Variants in MACROH2A2 observed in about 807,000 individuals in gnomAD.
The protein encoded by MACROH2A2 is macroH2A.2 histone.
In MACROH2A2, 6 loss-of-function variants were observed where a neutral mutation model predicts 37.6. That is an observed-to-expected ratio of 0.16 (90% CI 0.09 to 0.32). The LOEUF (loss-of-function observed/expected upper bound fraction) is 0.32. Among genes scored for constraint, MACROH2A2 ranks in the 10% least tolerant of loss-of-function variants. MACROH2A2 has a pLI of 1.00. For missense variants in MACROH2A2, 290 were observed against 485.9 expected (o/e 0.60, Z 3.79); for synonymous variants, 192 against 202.7 (o/e 0.95, Z 0.45).
chr10:70,091,999 T>C (rs753063615), intron 4 of MACROH2A2, 45 bp downstream of exon 4: 1 of 1,431,528 alleles, frequency 7.0e-7, no homozygotes, highest in East Asian at 2.3e-5. Flanking sequence ...CCCACTGCAA[T>C]GGTCTGAATG....
intron 1 of MACROH2A2, among the ~76,000 whole-genome samples, chr10:70,062,092 T>G (rs1194918049): frequency 2.0e-5 from 3 of 152,232 alleles, no homozygotes. Flanking sequence ...ATACAGTACT[T>G]AGGGTAACAC....
intron 2 of MACROH2A2, among the ~76,000 whole-genome samples, chr10:70,076,867 C>T (rs967729726): frequency 6.6e-6 from 1 of 152,106 alleles, no homozygotes; most frequent in Non-Finnish European, 1.5e-5. Context: ...CTCAGTCCTG[C>T]CCTGCCCTCT....
intron 5 of MACROH2A2, among the ~76,000 whole-genome samples, chr10:70,094,846 A>G (rs2072265400): frequency 6.6e-6 from 1 of 152,168 alleles, no homozygotes; most frequent in South Asian, 2.1e-4. Context: ...AGGGAGCCAG[A>G]CACCCCCAGG....
intron 2 of MACROH2A2, among the ~76,000 whole-genome samples, chr10:70,089,623 G>C (rs2072231869): frequency 6.6e-6 from 1 of 152,192 alleles, no homozygotes; most frequent in Non-Finnish European, 1.5e-5. Context: ...CCTGTACCAA[G>C]GAAGAAGAGG....
At chr10:70,066,751 C>G (rs910294387) in intron 1 of MACROH2A2, among the ~76,000 whole-genome samples, 2 of 152,162 alleles carry the variant, frequency 1.3e-5, no homozygotes, top group African/African-American at 4.8e-5. Flanking sequence ...TCAATACTTG[C>G]GGCACTTTCA....
At position 70,109,172 on chromosome 10, in the gene MACROH2A2, A is replaced by G. The variant is rs1452481791; in HGVS notation, c.918A>G (p.Leu306=). The change falls in exon 8 of 9, where the codon CTA becomes CTG. Residue 306 remains leucine (L), a synonymous_variant. Transcript: ENST00000373255. The part of the protein sequence containing the change: ...NCLSAAEDKK[L]KSVAFPPFPS... ...TGTCAGCGGCGGAGGACAAGAAGCT[A>G]AAGTCCGTCGCGTTCCCGCCTTTCC... 6 of 1,614,058 alleles carry G rather than the reference A, an allele frequency of 3.7e-6. No homozygotes were observed. Among genetic ancestry groups the G allele is most frequent in the African/African-American group, 2.7e-5 (2 of 74,950 alleles).
rs2072344765 is a variant in MACROH2A2 at position 70,107,439 on chromosome 10, T to C, written c.779-1594T>C. ...TGCTGCCCCTAGTGGCCACGGACCC[T>C]TGCTACGCCGATTCCTGGGTTCCTG... On this transcript the variant is annotated intron_variant, in intron 7 of 8. Transcript: ENST00000373255. This position sits in a 1 kb window ranked among gnomAD's most constrained non-coding sequence, Gnocchi z 4.4. Among the ~76,000 whole-genome samples, 1 of 152,198 alleles carries C rather than the reference T, an allele frequency of 6.6e-6. No homozygotes were observed. Among genetic ancestry groups the C allele is most frequent in the African/African-American group, 2.4e-5 (1 of 41,454 alleles).
chr10:70,079,556 C>CGT lies in MACROH2A2; in HGVS notation c.172+3727_172+3728insTG, dbSNP rs1320023033. On this transcript the variant is annotated intron_variant, in intron 2 of 8. Transcript: ENST00000373255. ...TTGAAGGCCACGTTGAGGGTTCGCG[C>CGT]GCGCGCGCGCACACACACACACACA... Among the ~76,000 whole-genome samples the CGT allele has an allele frequency of 7.0e-5, 8 of 113,616 alleles. No homozygotes were observed. In the East Asian group the frequency reaches 7.8e-4, roughly 11 times the overall value. The allele number at this position is 113,616 out of a possible 152,430, so 74.5% of individuals were successfully genotyped here.
chr10:70,069,068 C>T (rs914524095), intron 1 of MACROH2A2, among the ~76,000 whole-genome samples: 2 of 152,134 alleles, frequency 1.3e-5, no homozygotes, highest in African/African-American at 4.8e-5. Flanking sequence ...CAGTGAAATA[C>T]GGTAGTTATT....
intron 6 of MACROH2A2, among the ~76,000 whole-genome samples, chr10:70,097,420 TAGG>T (rs1933815358): frequency 6.6e-6 from 1 of 152,134 alleles, no homozygotes; most frequent in South Asian, 2.1e-4. Context: ...GCTGCTGTGT[TAGG>T]AGGAGTCCCT....
At chr10:70,079,561 G>GCT (rs1437308027) in intron 2 of MACROH2A2, among the ~76,000 whole-genome samples, 1 of 83,680 alleles carries the variant, frequency 1.2e-5, no homozygotes, top group African/African-American at 4.6e-5. Flanking sequence ...TCGCGCGCGC[G>GCT]CGCGCACACA....
chr10:70,094,521 A>C (rs778438639), intron 5 of MACROH2A2, among the ~76,000 whole-genome samples: 2 of 152,240 alleles, frequency 1.3e-5, no homozygotes, highest in Non-Finnish European at 2.9e-5. Context: ...CTGGTAGCTG[A>C]ATGTTTCCAT....
chr10:70,095,675 A>G lies in MACROH2A2; in HGVS notation c.610A>G (p.Ile204Val). 6.4e-7 allele frequency: 1 copy of G among 1,574,096 alleles called. No homozygotes were observed. Among genetic ancestry groups the G allele is most frequent in the African/African-American group, 1.3e-5 (1 of 74,220 alleles). The change falls in exon 6 of 9, where the codon ATC (isoleucine) becomes GTC (valine). Residue 204 changes from isoleucine (I) to valine (V), a missense_variant. Ile to Val is a conservative substitution (Grantham distance 29). Around this residue, in one of 3 missense-constraint regions of MACROH2A2, gnomAD observed 130 missense variants for 257.1 expected, o/e 0.51. Transcript: ENST00000373255. ...GQKLSLTQSD[I>V]SHIGSMRVEG... ...GCAGCTGTCCTTAACCCAGAGTGACATCAGCCATATTGGCTCCATGAGAGT... is the reference window on the plus strand; with the variant it reads ...GCAGCTGTCCTTAACCCAGAGTGACGTCAGCCATATTGGCTCCATGAGAGT...
chr10:70,059,143 G>T (rs1489836912), intron 1 of MACROH2A2, among the ~76,000 whole-genome samples: 1 of 152,168 alleles, frequency 6.6e-6, no homozygotes, highest in East Asian at 1.9e-4. Context: ...CTCTGTGAAT[G>T]TAAGTGACAG....
At chr10:70,073,181 C>T (rs1222241968) in intron 1 of MACROH2A2, among the ~76,000 whole-genome samples, 1 of 152,194 alleles carries the variant, frequency 6.6e-6, no homozygotes, top group Non-Finnish European at 1.5e-5. Flanking sequence ...CTAGCAAACA[C>T]GTGCTATGTG....
At chr10:70,054,035 TC>T (rs2071996218) in intron 1 of MACROH2A2, among the ~76,000 whole-genome samples, 2 of 151,992 alleles carry the variant, frequency 1.3e-5, no homozygotes, top group South Asian at 4.1e-4. Flanking sequence ...GTGGGTGTCC[TC>T]CCCCGCCTTT....
chr10:70,074,167 T>C (rs1404516104), intron 1 of MACROH2A2, among the ~76,000 whole-genome samples: 2 of 152,202 alleles, frequency 1.3e-5, no homozygotes, highest in African/African-American at 4.8e-5. Flanking sequence ...ACTACAATTT[T>C]CTAGATTGTG....
chr10:70,075,739 G>A lies in MACROH2A2; in HGVS notation c.81G>A (p.Arg27=). ...CAGGTGTCATCTTTCCAGTGGGGAG[G>A]CTGATGCGTTATCTGAAGAAAGGGA... The part of the protein sequence containing the change: ...ARAGVIFPVG[R]LMRYLKKGTF... The change falls in exon 2 of 9, where the codon AGG becomes AGA. Residue 27 remains arginine (R), a synonymous_variant. Coordinates refer to ENST00000373255, the MANE Select transcript of MACROH2A2 (RefSeq NM_018649.3). This position sits in a 1 kb window ranked among gnomAD's most constrained non-coding sequence, Gnocchi z 5.0. The A allele has an allele frequency of 3.1e-6, 5 of 1,614,116 alleles. No individual in the cohort carries two copies. The highest frequency in any genetic ancestry group is 4.2e-6 in the Non-Finnish European group (5 of 1,179,994).
chr10:70,089,723 CTGACT>C (rs1390031998), intron 2 of MACROH2A2, among the ~76,000 whole-genome samples: 3 of 151,982 alleles, frequency 2.0e-5, no homozygotes, highest in Admixed American at 6.6e-5. Flanking sequence ...TCTCTGTGAC[CTGACT>C]TATTTTTTCT....
Sources: allele counts gnomAD v4.1 joint callset (sites outside exome capture counted in the v4.1 genomes callset), GRCh38; gene constraint gnomAD v4.1.1; regional missense constraint gnomAD v4.1.1; non-coding constraint Gnocchi (gnomAD v3.1); transcripts MANE v1.5; gene names NCBI Gene and HGNC (gene_info 2026-07-23, HGNC 2026-07-21).